RGS7: variants seen among roughly 807,000 people sequenced by gnomAD.
RGS7 encodes regulator of G protein signaling 7.
RGS7 carries 27 observed loss-of-function variants against 81.1 expected under a neutral mutation model. The observed-to-expected ratio is 0.33, with a 90% CI of 0.25 to 0.46. RGS7 has a LOEUF of 0.46. RGS7 is among the 20% of genes least tolerant of loss of function. The pLI, the probability that RGS7 is intolerant of heterozygous loss-of-function variation, is 1.00. For synonymous variants in RGS7, 208 were observed against 207.7 expected (o/e 1.00, Z -0.01); for missense variants, 396 against 607.4 (o/e 0.65, Z 3.66).
At chr1:240,793,611 A>ATAT in intron 18 of RGS7, among the ~76,000 whole-genome samples, 18 of 78,812 alleles carry the variant, frequency 2.3e-4, no homozygotes, top group African/African-American at 1.5e-3. Flanking sequence ...ATATATATAT[A>ATAT]TTTTTTTTTT....
rs189045301 is a variant in RGS7 at position 241,164,108 on chromosome 1, T to C, written c.79-65346A>G. Among the ~76,000 whole-genome samples the C allele has an allele frequency of 2.6e-5, 4 of 152,180 alleles. No homozygotes were observed. The East Asian group carries it at 7.8e-4, about 29-fold the overall frequency. On this transcript the variant is annotated intron_variant, in intron 2 of 18. Transcript: ENST00000440928. The surrounding 1 kb of genome is among the most constrained non-coding windows in gnomAD (Gnocchi z 4.1). ...TTCTGAACCTAGGGAACACTTATGC[T>C]TACTGGTTTATTATAAAGGATATTA...
In RGS7 at chr1:240,866,835, T is replaced by C. The variant is rs75788465; in HGVS notation, c.609+1752A>G. 1.9e-3 allele frequency among the ~76,000 whole-genome samples: 291 copies of C among 152,170 alleles called. 1 individual carries two copies. The highest frequency in any genetic ancestry group is 4.9e-3 in the Admixed American group (75 of 15,280). On this transcript the variant is annotated intron_variant, in intron 9 of 18. Coordinates refer to ENST00000440928, the MANE Select transcript of RGS7 (RefSeq NM_001364886.1). ...CTGTGAGCATGAGAGTCTCAGAGCA[T>C]GAAATAGACGTGGGCAGTGCAGGGG...
chr1:241,252,049 CT>C (rs571408259), intron 2 of RGS7, among the ~76,000 whole-genome samples: 134 of 143,462 alleles, frequency 9.3e-4, no homozygotes, highest in Middle Eastern at 7.0e-3. Flanking sequence ...CTTTCTTTTT[CT>C]TTTTTTTTTT....
chr1:241,079,527 G>A (rs1428515601), intron 3 of RGS7, among the ~76,000 whole-genome samples: 1 of 152,106 alleles, frequency 6.6e-6, no homozygotes, highest in Non-Finnish European at 1.5e-5. Context: ...GGGCTATGAT[G>A]AGAGAAAGGC....
chr1:241,053,241 T>G (rs1426061986), intron 3 of RGS7, among the ~76,000 whole-genome samples: 1 of 152,172 alleles, frequency 6.6e-6, no homozygotes, highest in East Asian at 1.9e-4. Context: ...AAACAAAATC[T>G]CAACTGTTAT....
At chr1:241,108,950 T>C (rs1014934760) in intron 2 of RGS7, among the ~76,000 whole-genome samples, 3 of 152,186 alleles carry the variant, frequency 2.0e-5, no homozygotes, top group Non-Finnish European at 1.5e-5. Context: ...GTTCACATAC[T>C]GCCTGCTTGA....
intron 6 of RGS7, among the ~76,000 whole-genome samples, chr1:240,885,111 A>G (rs1190577878): frequency 1.3e-5 from 2 of 152,252 alleles, no homozygotes; most frequent in African/African-American, 4.8e-5. Context: ...ACACTTTTCC[A>G]AACAAGACAT....
At chr1:241,006,309 T>C (rs112454613) in intron 3 of RGS7, among the ~76,000 whole-genome samples, 6 of 152,330 alleles carry the variant, frequency 3.9e-5, no homozygotes, top group Admixed American at 2.6e-4. Flanking sequence ...CTGTTTTCTG[T>C]TGGACTTTGA....
chr1:241,230,832 T>A (rs1474076292), intron 2 of RGS7, among the ~76,000 whole-genome samples: 1 of 152,166 alleles, frequency 6.6e-6, no homozygotes, highest in Admixed American at 6.5e-5. Context: ...ACTTTGGTTG[T>A]CCCCATATTG....
At chr1:241,188,800 A>T (rs1035544939) in intron 2 of RGS7, among the ~76,000 whole-genome samples, 1 of 152,224 alleles carries the variant, frequency 6.6e-6, no homozygotes, top group African/African-American at 2.4e-5. Flanking sequence ...TAGGAAGAGA[A>T]GTAGTAAGAA....
rs189767614 is a variant in RGS7 at position 241,356,331 on chromosome 1, C to A, written c.-50-505G>T. On this transcript the variant is annotated intron_variant, in intron 1 of 18. Transcript: ENST00000440928. ...ATTCCCGGTGTCATTCTCCAGCGCA[C>A]GGGCTTCCTCTCTATTCCCCCGGGT... Among the ~76,000 whole-genome samples the A allele has an allele frequency of 6.5e-3, 995 of 152,220 alleles. 10 individuals carry two copies. The highest frequency in any genetic ancestry group is 0.023 in the African/African-American group (957 of 41,534).
chr1:240,922,442 G>T (rs1229199994), intron 6 of RGS7, among the ~76,000 whole-genome samples: 3 of 152,032 alleles, frequency 2.0e-5, no homozygotes, highest in African/African-American at 7.2e-5. Context: ...ACAAACTACA[G>T]ACTGGGGGAA....
chr1:241,102,320 C>G (rs1196294829), intron 2 of RGS7, among the ~76,000 whole-genome samples: 1 of 152,084 alleles, frequency 6.6e-6, no homozygotes, highest in South Asian at 2.1e-4. Context: ...CTGAAGGGAC[C>G]CCCTCTTGGC....
chr1:241,261,248 G>A (rs148786841), intron 2 of RGS7, among the ~76,000 whole-genome samples: 8 of 152,196 alleles, frequency 5.3e-5, no homozygotes, highest in East Asian at 1.9e-4. Flanking sequence ...CAGTAGCCTC[G>A]GAGTGTCTTG....
intron 2 of RGS7, among the ~76,000 whole-genome samples, chr1:241,185,471 G>A (rs2072013166): frequency 6.6e-6 from 1 of 152,064 alleles, no homozygotes; most frequent in Non-Finnish European, 1.5e-5. Context: ...TAGAAGACAT[G>A]AACAACAGTA....
At chr1:240,795,499 TAAAA>T (rs1207792673) in intron 18 of RGS7, among the ~76,000 whole-genome samples, 1 of 152,078 alleles carries the variant, frequency 6.6e-6, no homozygotes, top group Non-Finnish European at 1.5e-5. Context: ...ACAAAAGAGA[TAAAA>T]AGAGATAAAT....
intron 3 of RGS7, among the ~76,000 whole-genome samples, chr1:241,075,047 G>A (rs1281355506): frequency 6.6e-6 from 1 of 152,090 alleles, no homozygotes; most frequent in African/African-American, 2.4e-5. Flanking sequence ...TGACCAGAAT[G>A]TTAAGAGAAA....
At chr1:240,829,687 T>C (rs189771014) in intron 9 of RGS7, among the ~76,000 whole-genome samples, 1 of 152,160 alleles carries the variant, frequency 6.6e-6, no homozygotes, top group Admixed American at 6.5e-5. Flanking sequence ...ATCTCAGCAT[T>C]TGGAGAGGCT....
intron 3 of RGS7, among the ~76,000 whole-genome samples, chr1:240,993,277 AAG>A (rs202089970): frequency 1.3e-5 from 2 of 151,416 alleles, no homozygotes; most frequent in Non-Finnish European, 3.0e-5. Flanking sequence ...AAAAGAAAGA[AAG>A]AGAGAGAGAG....
Sources: gnomAD v4.1 joint callset for allele counts (sites outside exome capture counted in the v4.1 genomes callset) on GRCh38, gnomAD v4.1.1 for gene constraint, Gnocchi (gnomAD v3.1) non-coding constraint, MANE v1.5 for transcripts, NCBI Gene and HGNC (gene_info 2026-07-23, HGNC 2026-07-21) for gene names.